The following RPIA variants were observed in gnomAD, a reference collection of about 807,000 sequenced individuals.
RPIA encodes ribose-5-phosphate isomerase.
In RPIA, 29 loss-of-function variants were observed where a neutral mutation model predicts 37.8. The ratio of observed to expected loss-of-function variants is 0.77; its 90% confidence interval spans 0.57 to 1.05. RPIA has a LOEUF of 1.05. RPIA is among the 50% of genes least tolerant of loss of function. The probability of loss-of-function intolerance (pLI) is 0.00; values close to 1 mark genes in which losing one functional copy is unlikely to be tolerated. For missense variants in RPIA, 385 were observed against 413.6 expected (o/e 0.93, Z 0.60); for synonymous variants, 167 against 157.0 (o/e 1.06, Z -0.48).
chr2:88,737,778 C>CTCA (rs755401021), intron 7 of RPIA, among the ~76,000 whole-genome samples, 199 bp from the exon 8 acceptor site: 2 of 140,662 alleles, frequency 1.4e-5, no homozygotes, highest in African/African-American at 5.2e-5. Flanking sequence ...CTCTCTCTCT[C>CTCA]AAAAAAAAAA....
intron 8 of RPIA, among the ~76,000 whole-genome samples, chr2:88,745,300 A>G (rs773769865): frequency 3.3e-5 from 5 of 152,090 alleles, no homozygotes; most frequent in Non-Finnish European, 7.4e-5. Flanking sequence ...GATATGAGGT[A>G]TTATTTTATT....
In RPIA at chr2:88,750,204, A is replaced by T; in HGVS notation, c.*126A>T. On this transcript the variant is annotated 3_prime_UTR_variant, in exon 9 of 9. Transcript: ENST00000283646. The stretch of plus-strand genomic sequence containing the variant: ...CAACTTGTGGTGGGGGGTGGGGGGA[A>T]GAGTGGGAGGGGGAGTTAAATCCAG... 1.6e-6 allele frequency: 1 copy of T among 636,074 alleles called. No individual in the cohort carries two copies. The highest frequency in any genetic ancestry group is 3.0e-6 in the Non-Finnish European group (1 of 338,248). The allele number at this position is 636,074 out of a possible 1,614,324, so 39.4% of individuals were successfully genotyped here.
intron 3 of RPIA, among the ~76,000 whole-genome samples, chr2:88,712,757 G>A (rs1018553338): frequency 6.6e-6 from 1 of 152,124 alleles, no homozygotes; most frequent in African/African-American, 2.4e-5. Context: ...TGGGTCATCC[G>A]GGATGGTCAA....
At chr2:88,692,505 C>T (rs527880334) in intron 1 of RPIA, among the ~76,000 whole-genome samples, 53 of 152,280 alleles carry the variant, frequency 3.5e-4, no homozygotes, top group Non-Finnish European at 4.4e-4. Flanking sequence ...AAACTTCCTT[C>T]TTTCCATAGG....
intron 8 of RPIA, among the ~76,000 whole-genome samples, chr2:88,738,304 C>T (rs1052799566): frequency 2.6e-5 from 4 of 152,226 alleles, no homozygotes; most frequent in African/African-American, 9.6e-5. Flanking sequence ...CATTTCACAG[C>T]CTGTTTGAGT....
intron 1 of RPIA, 76 bp from the exon 2 acceptor site, chr2:88,698,408 C>T: frequency 7.9e-7 from 1 of 1,272,436 alleles, no homozygotes; most frequent in Non-Finnish European, 1.2e-6. Flanking sequence ...AATTTTATAG[C>T]TTTAGGAAGT....
intron 3 of RPIA, among the ~76,000 whole-genome samples, chr2:88,715,208 G>C (rs1447253593): frequency 6.6e-6 from 1 of 152,204 alleles, no homozygotes; most frequent in Non-Finnish European, 1.5e-5. Flanking sequence ...TTTGGAATGG[G>C]TTGAAGTGTG....
Position 88,708,608 on chromosome 2 carries a change from T to C in RPIA, c.402+8544T>C, listed in dbSNP as rs77199609. On this transcript the variant is annotated intron_variant, in intron 3 of 8. Coordinates refer to ENST00000283646, the MANE Select transcript of RPIA (RefSeq NM_144563.3). ...TTCAATAAAGTTGGTTCATATAAATTGCTGTCCTGTTTCATAGGTTGACTT... is the reference window on the plus strand; with the variant it reads ...TTCAATAAAGTTGGTTCATATAAATCGCTGTCCTGTTTCATAGGTTGACTT... Among the ~76,000 whole-genome samples, 232 of 152,324 alleles carry C rather than the reference T, an allele frequency of 1.5e-3. 2 individuals are homozygous for C. Among genetic ancestry groups the C allele is most frequent in the African/African-American group, 4.3e-3 (179 of 41,558 alleles).
chr2:88,701,153 T>A (rs1028005207), intron 3 of RPIA, among the ~76,000 whole-genome samples: 2 of 152,114 alleles, frequency 1.3e-5, no homozygotes, highest in African/African-American at 4.8e-5. Flanking sequence ...TAGTGCATAC[T>A]GTTGGAGCTT....
chr2:88,695,716 A>T (rs1377063469), intron 1 of RPIA, among the ~76,000 whole-genome samples: 1 of 152,210 alleles, frequency 6.6e-6, no homozygotes, highest in Non-Finnish European at 1.5e-5. Context: ...TCTTGAGAGC[A>T]TTGGTATAGG....
chr2:88,745,573 A>G (rs113907836), intron 8 of RPIA, among the ~76,000 whole-genome samples: 135 of 152,306 alleles, frequency 8.9e-4, no homozygotes, highest in African/African-American at 3.1e-3. Flanking sequence ...TTGGCTGATA[A>G]TTAATTTGTT....
chr2:88,703,550 C>G (rs1672860777), intron 3 of RPIA, among the ~76,000 whole-genome samples: 1 of 152,240 alleles, frequency 6.6e-6, no homozygotes, highest in Non-Finnish European at 1.5e-5. Flanking sequence ...CCCTTTCAGC[C>G]AGGGGTGGAG....
At chr2:88,718,934 T>G (rs1436127156) in intron 3 of RPIA, among the ~76,000 whole-genome samples, 1 of 152,202 alleles carries the variant, frequency 6.6e-6, no homozygotes, top group African/African-American at 2.4e-5. Flanking sequence ...CAGCAACGTC[T>G]TAAGCAAAAC....
At chr2:88,697,434 T>A (rs929023453) in intron 1 of RPIA, among the ~76,000 whole-genome samples, 1 of 152,274 alleles carries the variant, frequency 6.6e-6, no homozygotes, top group Admixed American at 6.5e-5. Context: ...AGGAGATAGA[T>A]GTCAGGAAGT....
At position 88,713,962 on chromosome 2, in the gene RPIA, A is replaced by C. The variant is rs1673000534; in HGVS notation, c.402+13898A>C. Among the ~76,000 whole-genome samples, 3 of 143,140 alleles carry C rather than the reference A, an allele frequency of 2.1e-5. No homozygotes were observed. In the South Asian group the frequency reaches 6.6e-4, roughly 32 times the overall value. The allele number at this position is 143,140 out of a possible 152,430, so 93.9% of individuals were successfully genotyped here. A position where few individuals can be genotyped will look rare whatever the true frequency, so the allele number is the denominator to read the frequency against. On this transcript the variant is annotated intron_variant, in intron 3 of 8. Transcript: ENST00000283646. ...TGAGGATGTTAATGATTTTTTGTTTAAGGGACTTCTTCTTGTACAGGTTTC... is the reference window on the plus strand; with the variant it reads ...TGAGGATGTTAATGATTTTTTGTTTCAGGGACTTCTTCTTGTACAGGTTTC...
At chr2:88,692,062 G>T in intron 1 of RPIA, 79 bp downstream of exon 1, 2 of 1,497,678 alleles carry the variant, frequency 1.3e-6, no homozygotes, top group Non-Finnish European at 1.8e-6. Context: ...GGGTGCTGCC[G>T]GGGCGCGCCT....
At chr2:88,741,239 G>A (rs1386856358) in intron 8 of RPIA, among the ~76,000 whole-genome samples, 3 of 152,094 alleles carry the variant, frequency 2.0e-5, no homozygotes, top group Admixed American at 6.5e-5. Context: ...AGTCCCCAGA[G>A]TCTGTTGTAT....
chr2:88,734,599 T>A lies in RPIA; in HGVS notation c.510T>A (p.Asn170Lys). 2 of 1,613,944 alleles carry A rather than the reference T, an allele frequency of 1.2e-6. No individual in the cohort carries two copies. Among genetic ancestry groups the A allele is most frequent in the Non-Finnish European group, 1.7e-6 (2 of 1,179,926 alleles). ...CTGATGAAGTAGATGCTGATCTCAA[T>A]CTCATCAAGGGTGGCGGGTGAGTGT... ...DGADEVDADL[N>K]LIKGGGGCLT... The change falls in exon 5 of 9, where the codon AAT (asparagine) becomes AAA (lysine). Residue 170 changes from asparagine (N) to lysine (K), a missense_variant. By Grantham distance (94) the Asn-to-Lys change is moderately conservative. Around this residue, in one of 2 missense-constraint regions of RPIA, gnomAD observed 153 missense variants for 210.6 expected, o/e 0.73. Coordinates refer to ENST00000283646, the MANE Select transcript of RPIA (RefSeq NM_144563.3).
chr2:88,723,440 A>C (rs1673158562), intron 3 of RPIA, among the ~76,000 whole-genome samples: 1 of 152,210 alleles, frequency 6.6e-6, no homozygotes, highest in Non-Finnish European at 1.5e-5. Context: ...TGTTGGAATC[A>C]AGTAAAACTC....
Sources: allele counts gnomAD v4.1 joint callset (sites outside exome capture counted in the v4.1 genomes callset), GRCh38; gene constraint gnomAD v4.1.1; regional missense constraint gnomAD v4.1.1; transcripts MANE v1.5; gene names NCBI Gene and HGNC (gene_info 2026-07-23, HGNC 2026-07-21).